Variants in HSPBP1 observed in about 807,000 individuals in gnomAD.
HSPBP1 encodes hsp70-binding protein 1.
Under a neutral mutation model 41.7 loss-of-function variants are expected in HSPBP1, and 31 were observed. The ratio of observed to expected loss-of-function variants is 0.74; its 90% confidence interval spans 0.56 to 1.00. The LOEUF (loss-of-function observed/expected upper bound fraction) is 1.00. HSPBP1 is among the 50% of genes least tolerant of loss of function. The probability of loss-of-function intolerance (pLI) is 0.00; values close to 1 mark genes in which losing one functional copy is unlikely to be tolerated. For synonymous variants in HSPBP1, 199 were observed against 214.4 expected (o/e 0.93, Z 0.63); for missense variants, 439 against 487.9 (o/e 0.90, Z 0.94).
intron 7 of HSPBP1, among the ~76,000 whole-genome samples, chr19:55,264,070 C>T (rs1176181222): frequency 2.0e-5 from 3 of 150,874 alleles, no homozygotes; most frequent in Non-Finnish European, 2.9e-5. Flanking sequence ...CCGGTTCAAG[C>T]GATTCTCCTG....
rs2087880296 is a variant in HSPBP1, at chr19:55,270,031, G to A, written c.641-3745C>T. Among the ~76,000 whole-genome samples, 1 of 152,110 alleles carries A rather than the reference G, an allele frequency of 6.6e-6. No individual in the cohort carries two copies. The highest frequency in any genetic ancestry group is 1.5e-5 in the Non-Finnish European group (1 of 68,024). Reference sequence around the variant, plus strand: ...CTCGGGCAGCAGGAGCTGAGGGGACGTACCCTGCAAATGGCTCCCAGCACG... The same window carrying A: ...CTCGGGCAGCAGGAGCTGAGGGGACATACCCTGCAAATGGCTCCCAGCACG... On this transcript the variant is annotated intron_variant, in intron 4 of 7. Coordinates refer to ENST00000433386, the MANE Select transcript of HSPBP1 (RefSeq NM_012267.5). The surrounding 1 kb of genome is among the most constrained non-coding windows in gnomAD (Gnocchi z 5.4).
In HSPBP1 at chr19:55,262,242, CTT is replaced by C. The variant is rs1209951918; in HGVS notation, c.*364_*365del. On this transcript the variant is annotated 3_prime_UTR_variant, in exon 8 of 8. Coordinates refer to ENST00000433386, the MANE Select transcript of HSPBP1 (RefSeq NM_012267.5). ...GCTCTATAGATGATAAAGAGCAACA[CTT>C]TTATTATTCTTCCAGTGGCTCCCCA... is the stretch of plus-strand genomic sequence containing the variant. The C allele has an allele frequency of 1.2e-5, 5 of 414,640 alleles. No homozygotes were observed. Among genetic ancestry groups the C allele is most frequent in the Non-Finnish European group, 1.7e-5 (5 of 297,142 alleles). The allele number at this position is 414,640 out of a possible 1,614,324, so 25.7% of individuals were successfully genotyped here.
chr19:55,276,255 G>A (rs142713320), intron 3 of HSPBP1, among the ~76,000 whole-genome samples: 59 of 152,154 alleles, frequency 3.9e-4, no homozygotes, highest in African/African-American at 1.3e-3. Flanking sequence ...CAGCCAAAAC[G>A]CTGATTAGTG....
In HSPBP1 at chr19:55,277,738, T is replaced by C. The variant is rs2088113270; in HGVS notation, c.319A>G (p.Thr107Ala). Reference sequence around the variant, plus strand: ...GCCGCCTGCTCGGCCTCCCCAGCAGTGGGGGGCATGGGCTGTGACAGCACT... The same window carrying C: ...GCCGCCTGCTCGGCCTCCCCAGCAGCGGGGGGCATGGGCTGTGACAGCACT... Reference protein sequence around the residue: ...LRVLSQPMPPTAGEAEQAADQ... With the variant: ...LRVLSQPMPPAAGEAEQAADQ... Residue 107 changes from threonine (T) to alanine (A), a missense_variant, in exon 3 of 8, where the codon ACT (threonine) becomes GCT (alanine). Physicochemically the swap from Thr to Ala is moderately conservative, Grantham distance 58. Coordinates refer to ENST00000433386, the MANE Select transcript of HSPBP1 (RefSeq NM_012267.5). The C allele has an allele frequency of 6.2e-7, 1 of 1,607,738 alleles. No homozygotes were observed. Among genetic ancestry groups the C allele is most frequent in the Non-Finnish European group, 8.5e-7 (1 of 1,177,686 alleles).
chr19:55,280,085 C>T lies in HSPBP1; in HGVS notation c.-145G>A. 4.4e-6 allele frequency: 1 copy of T among 229,376 alleles called. No individual in the cohort carries two copies. The highest frequency in any genetic ancestry group is 8.7e-6 in the Non-Finnish European group (1 of 114,672). 14.2% of individuals were successfully genotyped at this position (229,376 alleles called of 1,614,324 possible). The stretch of plus-strand genomic sequence containing the variant: ...GCTCCTACAGACAAAGTCGTCCGCA[C>T]CTGACTCTGCTGGGCGCCGCCATCT... On this transcript the variant is annotated 5_prime_UTR_variant, in exon 1 of 8. In the 5' UTR this introduces an upstream ATG that the reference lacks. Coordinates refer to ENST00000433386, the MANE Select transcript of HSPBP1 (RefSeq NM_012267.5).
chr19:55,279,493 G>A lies in HSPBP1; in HGVS notation c.116C>T (p.Ser39Phe), dbSNP rs1001061472. 3 of 1,604,862 alleles carry A rather than the reference G, an allele frequency of 1.9e-6. No individual in the cohort carries two copies. Among genetic ancestry groups the A allele is most frequent in the African/African-American group, 1.4e-5 (1 of 73,308 alleles). ...GCCTTGGAGGTTGCGTGGGGGCCGG[G>A]AATTGCCCGAGCCCCCAGCCGAGGA... is the stretch of plus-strand genomic sequence containing the variant. ...GGSSAGGSGN[S>F]RPPRNLQGLL... The change falls in exon 2 of 8, where the codon TCC becomes TTC. Residue 39 changes from serine to phenylalanine, a missense_variant. Coordinates refer to ENST00000433386, the MANE Select transcript of HSPBP1 (RefSeq NM_012267.5).
In HSPBP1 at chr19:55,265,313, G is replaced by A. The variant is rs370693267; in HGVS notation, c.970C>T (p.Arg324Cys). ...TCATGCTGCTGCAGCAGCTGACAGC[G>A]GTGGCGGAGGAGCTCCTCCAGGCCC... ...ELGLEELLRH[R>C]CQLLQQHEEY... The change falls in exon 7 of 8, where the codon CGC (arginine) becomes TGC (cysteine). Residue 324 changes from arginine (R) to cysteine (C), a missense_variant. Coordinates refer to ENST00000433386, the MANE Select transcript of HSPBP1 (RefSeq NM_012267.5). 2.7e-5 allele frequency: 43 copies of A among 1,612,254 alleles called. No individual in the cohort carries two copies. The highest frequency in any genetic ancestry group is 3.6e-5 in the Non-Finnish European group (42 of 1,179,562).
chr19:55,265,126 G>C, intron 7 of HSPBP1, 152 bp downstream of exon 7: 1 of 572,656 alleles, frequency 1.7e-6, no homozygotes, highest in Non-Finnish European at 3.1e-6. Flanking sequence ...ACCTCCCCGT[G>C]TACCTGGTCC....
Position 55,262,564 on chromosome 19 carries a change from G to C in HSPBP1, c.*44C>G, listed in dbSNP as rs369513141. ...CTTGTAGGTGGGGAGGGAGGCAAGA[G>C]GCCTGGGGTTCCCACGGAGAAGGGG... is the stretch of plus-strand genomic sequence containing the variant. On this transcript the variant is annotated 3_prime_UTR_variant, in exon 8 of 8. Coordinates refer to ENST00000433386, the MANE Select transcript of HSPBP1 (RefSeq NM_012267.5). 4 of 1,608,198 alleles carry C rather than the reference G, an allele frequency of 2.5e-6. No individual in the cohort carries two copies. Among genetic ancestry groups the C allele is most frequent in the Admixed American group, 1.7e-5 (1 of 59,280 alleles).
Position 55,277,853 on chromosome 19 carries a change from A to C in HSPBP1, c.211-7T>G, listed in dbSNP as rs765431254. 1 of 1,534,966 alleles carries C rather than the reference A, an allele frequency of 6.5e-7. No individual in the cohort carries two copies. The highest frequency in any genetic ancestry group is 8.8e-7 in the Non-Finnish European group (1 of 1,141,792). ...CCTGCAGCCACTGACGCCTCTGGAG[A>C]CCAAGGCGAGGAGGAAAGAAGGAGA... is the stretch of plus-strand genomic sequence containing the variant. On this transcript the variant is annotated splice_polypyrimidine_tract_variant and splice_region_variant and intron_variant, in intron 2 of 7. Coordinates refer to ENST00000433386, the MANE Select transcript of HSPBP1 (RefSeq NM_012267.5).
Position 55,274,885 on chromosome 19 carries a change from T to G in HSPBP1, c.416-263A>C, listed in dbSNP as rs562886811. Among the ~76,000 whole-genome samples, 3 of 152,242 alleles carry G rather than the reference T, an allele frequency of 2.0e-5. No individual in the cohort carries two copies. The South Asian group carries it at 6.2e-4, about 32-fold the overall frequency. ...ATGGAGGGAGGACACAAAAAATGCC[T>G]TCTGCAAGCCAAGGAGAGGGGGGCT... On this transcript the variant is annotated intron_variant, in intron 3 of 7. Coordinates refer to ENST00000433386, the MANE Select transcript of HSPBP1 (RefSeq NM_012267.5).
rs971459418 is a variant in HSPBP1 at position 55,270,172 on chromosome 19, G to A, written c.641-3886C>T. Among the ~76,000 whole-genome samples, 1 of 152,248 alleles carries A rather than the reference G, an allele frequency of 6.6e-6. No individual in the cohort carries two copies. The highest frequency in any genetic ancestry group is 1.5e-5 in the Non-Finnish European group (1 of 67,988). On this transcript the variant is annotated intron_variant, in intron 4 of 7. Transcript: ENST00000433386. The surrounding 1 kb of genome is among the most constrained non-coding windows in gnomAD (Gnocchi z 5.4). ...ACATTTTCATGTGAATTTTACCCCC[G>A]AGCAAAAAAAAGAATGGCATCCAAG...
At chr19:55,279,998 T>A (rs993447397) in intron 1 of HSPBP1, 37 bp downstream of exon 1, 25 of 299,722 alleles carry the variant, frequency 8.3e-5, no homozygotes, top group Admixed American at 3.6e-4. Flanking sequence ...TTCTCCCTCC[T>A]CTCCGAAGAG....
chr19:55,265,934 C>T lies in HSPBP1; in HGVS notation c.845G>A (p.Arg282Gln), dbSNP rs755189382. 21 of 1,608,236 alleles carry T rather than the reference C, an allele frequency of 1.3e-5. No individual in the cohort carries two copies. The highest frequency in any genetic ancestry group is 6.8e-5 in the Admixed American group (4 of 59,250). The change falls in exon 6 of 8, where the codon CGG (arginine) becomes CAG (glutamine). Residue 282 changes from arginine to glutamine, a missense_variant. Physicochemically the swap from Arg to Gln is conservative, Grantham distance 43. Transcript: ENST00000433386. The part of the protein sequence containing the change: ...GMVQQLVALV[R>Q]TEHSPFHEHV... ...CTCGTGGAAGGGGCTGTGCTCTGTC[C>T]GCACCAGGGCCACCAGCTGCTGGAC...
chr19:55,262,541 T>C lies in HSPBP1; in HGVS notation c.*67A>G, dbSNP rs2087671592. ...CCTGCGATCCCTTGGGAGAGGGCCT[T>C]GTAGGTGGGGAGGGAGGCAAGAGGC... On this transcript the variant is annotated 3_prime_UTR_variant, in exon 8 of 8. Transcript: ENST00000433386. 19 of 1,593,540 alleles carry C rather than the reference T, an allele frequency of 1.2e-5. No homozygotes were observed. The Admixed American group carries it at 3.3e-4, about 28-fold the overall frequency.
intron 4 of HSPBP1, among the ~76,000 whole-genome samples, chr19:55,273,594 T>G (rs890999900): frequency 6.6e-6 from 1 of 152,114 alleles, no homozygotes; most frequent in African/African-American, 2.4e-5. Context: ...CCACAGATGT[T>G]GGTTTTTGTC....
rs762411447 is a variant in HSPBP1 at position 55,279,517 on chromosome 19, G to A, written c.92C>T (p.Ser31Phe). ...GCSSGGGGGG[S>F]SAGGSGNSRP... ...GGAATTGCCCGAGCCCCCAGCCGAG[G>A]AGCCGCCGCCGCCGCCCCCTGAAGA... The change falls in exon 2 of 8, where the codon TCC (serine) becomes TTC (phenylalanine). Residue 31 changes from serine to phenylalanine, a missense_variant. By Grantham distance (155) the Ser-to-Phe change is radical. Coordinates refer to ENST00000433386, the MANE Select transcript of HSPBP1 (RefSeq NM_012267.5). The A allele has an allele frequency of 6.5e-6, 6 of 927,918 alleles. No individual in the cohort carries two copies. Among genetic ancestry groups the A allele is most frequent in the South Asian group, 1.5e-5 (1 of 68,360 alleles). The allele number at this position is 927,918 out of a possible 1,614,324, so 57.5% of individuals were successfully genotyped here.
At chr19:55,265,225 TC>T (rs1162834488) in intron 7 of HSPBP1, 52 bp downstream of exon 7, 1 of 856,334 alleles carries the variant, frequency 1.2e-6, no homozygotes, top group African/African-American at 2.0e-5. Flanking sequence ...GGAGCCCTTG[TC>T]CCCTCCCCCT....
At chr19:55,273,179 G>A (rs1397557585) in intron 4 of HSPBP1, among the ~76,000 whole-genome samples, 1 of 152,120 alleles carries the variant, frequency 6.6e-6, no homozygotes, top group Non-Finnish European at 1.5e-5. Flanking sequence ...TGTAGAGACA[G>A]GGGTTTCCCT....
Sources: gnomAD v4.1 joint callset for allele counts (sites outside exome capture counted in the v4.1 genomes callset) on GRCh38, gnomAD v4.1.1 for gene constraint, Gnocchi (gnomAD v3.1) non-coding constraint, MANE v1.5 for transcripts, NCBI Gene and HGNC (gene_info 2026-07-23, HGNC 2026-07-21) for gene names.